Variants in NLGN1 observed in about 807,000 individuals in gnomAD.
NLGN1 encodes neuroligin 1, also known as neuroligin-1.
In NLGN1, 12 loss-of-function variants were observed where a neutral mutation model predicts 65.5. The observed-to-expected ratio is 0.18, with a 90% CI of 0.12 to 0.30. The LOEUF is 0.30. Among genes scored for constraint, NLGN1 ranks in the 10% least tolerant of loss-of-function variants. NLGN1 has a pLI of 1.00. For missense variants in NLGN1, 750 were observed against 1,007.1 expected, an observed-to-expected ratio of 0.74 and a Z score of 3.46; for synonymous variants, 350 against 359.5, an observed-to-expected ratio of 0.97 and a Z score of 0.30.
chr3:173,776,582 C>G (rs1260374160), intron 3 of NLGN1, among the ~76,000 whole-genome samples: 1 of 151,988 alleles, frequency 6.6e-6, no homozygotes, highest in Non-Finnish European at 1.5e-5. Context: ...AATTACCTGT[C>G]CCTTAGAATT....
chr3:174,269,466 A>G (rs1748927615), intron 4 of NLGN1, among the ~76,000 whole-genome samples: 1 of 151,920 alleles, frequency 6.6e-6, no homozygotes, highest in Admixed American at 6.6e-5. Context: ...TATTTCACAT[A>G]GCACATTGTC....
intron 2 of NLGN1, among the ~76,000 whole-genome samples, chr3:173,535,229 T>C (rs1737237643): frequency 6.6e-6 from 1 of 152,242 alleles, no homozygotes; most frequent in Non-Finnish European, 1.5e-5. Context: ...TGACCTTCTT[T>C]ACATCAAAGT....
intron 2 of NLGN1, among the ~76,000 whole-genome samples, chr3:173,489,761 T>C (rs1389336817): frequency 6.6e-6 from 1 of 151,804 alleles, no homozygotes; most frequent in Non-Finnish European, 1.5e-5. Context: ...TTCCTGACTT[T>C]TTAATGATTG....
At chr3:173,911,550 C>T (rs780671022) in intron 4 of NLGN1, among the ~76,000 whole-genome samples, 5 of 152,172 alleles carry the variant, frequency 3.3e-5, no homozygotes, top group African/African-American at 9.6e-5. Context: ...AATATCAAAA[C>T]GACACCTTCT....
intron 4 of NLGN1, among the ~76,000 whole-genome samples, chr3:174,171,224 A>C (rs1728460558): frequency 6.6e-6 from 1 of 152,170 alleles, no homozygotes; most frequent in South Asian, 2.1e-4. Flanking sequence ...AAAATAACTT[A>C]AAATCAGGTG....
chr3:173,813,695 T>G (rs1206015019), intron 4 of NLGN1, among the ~76,000 whole-genome samples: 1 of 152,232 alleles, frequency 6.6e-6, no homozygotes, highest in Non-Finnish European at 1.5e-5. Flanking sequence ...GTCATGAATA[T>G]GTACAACAGT....
intron 3 of NLGN1, among the ~76,000 whole-genome samples, chr3:173,781,652 G>A (rs1334054540): frequency 6.6e-6 from 1 of 152,188 alleles, no homozygotes; most frequent in Non-Finnish European, 1.5e-5. Context: ...ACTAGTTAGT[G>A]ATATCACTTC....
chr3:174,175,444 A>G (rs1025439773), intron 4 of NLGN1, among the ~76,000 whole-genome samples: 1 of 152,056 alleles, frequency 6.6e-6, no homozygotes, highest in East Asian at 1.9e-4. Flanking sequence ...TGAAGTAAAT[A>G]TAGCTACTCC....
At chr3:173,477,348 C>G (rs970979310) in intron 2 of NLGN1, among the ~76,000 whole-genome samples, 1 of 151,976 alleles carries the variant, frequency 6.6e-6, no homozygotes, top group Admixed American at 6.6e-5. Flanking sequence ...CAAGATCAGC[C>G]TTGGCAACAT....
chr3:173,913,396 GT>G (rs1252888557), intron 4 of NLGN1, among the ~76,000 whole-genome samples: 1 of 152,160 alleles, frequency 6.6e-6, no homozygotes, highest in Non-Finnish European at 1.5e-5. Context: ...AGGATTAGAA[GT>G]TCATTATAAC....
intron 4 of NLGN1, among the ~76,000 whole-genome samples, chr3:173,945,910 T>C (rs1747058017): frequency 6.6e-6 from 1 of 152,206 alleles, no homozygotes; most frequent in African/African-American, 2.4e-5. Flanking sequence ...CTGTGCTTCT[T>C]AAGGCAGGTA....
At chr3:174,151,273 T>TA (rs150493989) in intron 4 of NLGN1, among the ~76,000 whole-genome samples, 10 of 152,058 alleles carry the variant, frequency 6.6e-5, no homozygotes. Context: ...TAGTACCTTA[T>TA]AAAAAAGATG....
chr3:173,658,859 C>T (rs1186712888), intron 3 of NLGN1, among the ~76,000 whole-genome samples: 1 of 152,000 alleles, frequency 6.6e-6, no homozygotes, highest in Non-Finnish European at 1.5e-5. Flanking sequence ...ATTCATACAG[C>T]ACTACATTTG....
chr3:173,922,591 G>T (rs573977375), intron 4 of NLGN1, among the ~76,000 whole-genome samples: 5 of 151,908 alleles, frequency 3.3e-5, no homozygotes, highest in Middle Eastern at 3.4e-3. Context: ...TTTCAAGCTG[G>T]TTATTTATAT....
chr3:173,996,994 T>G (rs573132432), intron 4 of NLGN1, among the ~76,000 whole-genome samples: 1 of 152,210 alleles, frequency 6.6e-6, no homozygotes, highest in African/African-American at 2.4e-5. Context: ...TAAATAGTGG[T>G]TTGTGACATA....
intron 4 of NLGN1, among the ~76,000 whole-genome samples, chr3:174,210,636 CAA>C (rs1236727826): frequency 6.6e-6 from 1 of 152,178 alleles, no homozygotes; most frequent in Non-Finnish European, 1.5e-5. Flanking sequence ...GAGATAGCTC[CAA>C]AGTCTTTCTA....
chr3:173,867,704 G>A (rs1277333872), intron 4 of NLGN1, among the ~76,000 whole-genome samples: 2 of 151,912 alleles, frequency 1.3e-5, no homozygotes, highest in Non-Finnish European at 2.9e-5. Flanking sequence ...GTGATGAAGG[G>A]TACATTCCAA....
chr3:173,600,190 T>TGTACAC (rs1553771482), intron 2 of NLGN1, among the ~76,000 whole-genome samples: 1 of 62,256 alleles, frequency 1.6e-5, no homozygotes, highest in Non-Finnish European at 3.7e-5. Flanking sequence ...TACATGTGTG[T>TGTACAC]ACATGTGTGT....
At chr3:174,111,781 T>A (rs961467495) in intron 4 of NLGN1, among the ~76,000 whole-genome samples, 2 of 151,926 alleles carry the variant, frequency 1.3e-5, no homozygotes, top group African/African-American at 2.4e-5. Flanking sequence ...CTGGGTGCTA[T>A]TATGTTATTT....
Sources: allele counts gnomAD v4.1 joint callset (sites outside exome capture counted in the v4.1 genomes callset), GRCh38; gene constraint gnomAD v4.1.1; transcripts MANE v1.5; gene names NCBI Gene and HGNC (gene_info 2026-07-23, HGNC 2026-07-21).